LRMDA: variants seen among roughly 807,000 people sequenced by gnomAD.
LRMDA encodes the protein leucine-rich melanocyte differentiation-associated protein.
Under a neutral mutation model 29.8 loss-of-function variants are expected in LRMDA, and 18 were observed. The observed-to-expected ratio is 0.60, with a 90% CI of 0.42 to 0.90. The LOEUF (loss-of-function observed/expected upper bound fraction) is 0.90. LRMDA is among the 40% of genes least tolerant of loss of function. The pLI is 0.00. For synonymous variants in LRMDA, 125 were observed against 109.4 expected (o/e 1.14, Z -0.89); for missense variants, 273 against 273.9 (o/e 1.00, Z 0.02).
At chr10:76,083,998 C>T (rs1172273521) in intron 5 of LRMDA, among the ~76,000 whole-genome samples, 2 of 152,072 alleles carry the variant, frequency 1.3e-5, no homozygotes, top group African/African-American at 2.4e-5. Flanking sequence ...GGTACTTGAG[C>T]CTTTCTTTCT....
chr10:76,033,744 G>A (rs1848191382), intron 2 of LRMDA, among the ~76,000 whole-genome samples: 1 of 152,172 alleles, frequency 6.6e-6, no homozygotes, highest in African/African-American at 2.4e-5. Flanking sequence ...CTAAGGGGAA[G>A]TGGCCTCACC....
chr10:75,673,990 A>T (rs1841931097), intron 2 of LRMDA, among the ~76,000 whole-genome samples: 1 of 152,238 alleles, frequency 6.6e-6, no homozygotes, highest in Admixed American at 6.5e-5. Flanking sequence ...CTTGAAGATG[A>T]TGAAAAGTCT....
chr10:75,458,716 A>G (rs535514850), intron 2 of LRMDA, among the ~76,000 whole-genome samples: 112 of 152,126 alleles, frequency 7.4e-4, no homozygotes, highest in East Asian at 4.2e-3. Flanking sequence ...CCCTTCCCCA[A>G]TTTGCTCTTC....
chr10:75,960,976 A>G (rs2132428930), intron 2 of LRMDA, among the ~76,000 whole-genome samples: 1 of 152,258 alleles, frequency 6.6e-6, no homozygotes, highest in East Asian at 1.9e-4. Flanking sequence ...CCATCTTTCT[A>G]TCCTAGGGAC....
intron 6 of LRMDA, among the ~76,000 whole-genome samples, chr10:76,339,523 A>G (rs1841011319): frequency 6.6e-6 from 1 of 152,006 alleles, no homozygotes; most frequent in Non-Finnish European, 1.5e-5. Flanking sequence ...GTTTTCATAT[A>G]TCCTAATTAA....
intron 5 of LRMDA, among the ~76,000 whole-genome samples, chr10:76,095,574 T>C (rs1849299840): frequency 6.6e-6 from 1 of 152,262 alleles, no homozygotes. Context: ...CAGACTGTTT[T>C]TCAAAGTGGC....
chr10:75,432,618 A>G (rs1844213353), intron 1 of LRMDA, among the ~76,000 whole-genome samples: 1 of 152,206 alleles, frequency 6.6e-6, no homozygotes, highest in Non-Finnish European at 1.5e-5. Flanking sequence ...ACCCTGGAGA[A>G]ATAGTTCTGA....
intron 2 of LRMDA, among the ~76,000 whole-genome samples, chr10:75,724,664 T>A (rs1032120800): frequency 2.0e-5 from 3 of 152,170 alleles, no homozygotes; most frequent in Non-Finnish European, 4.4e-5. Flanking sequence ...AATGGAAAAT[T>A]GTAATACGCT....
At chr10:75,688,528 A>G in intron 2 of LRMDA, among the ~76,000 whole-genome samples, 1 of 152,374 alleles carries the variant, frequency 6.6e-6, no homozygotes, top group African/African-American at 2.4e-5. Context: ...CAGTAAAGAA[A>G]GTAGTTTCTT....
intron 2 of LRMDA, among the ~76,000 whole-genome samples, chr10:75,446,176 G>T (rs548980461): frequency 1.3e-5 from 2 of 152,360 alleles, no homozygotes; most frequent in South Asian, 4.1e-4. Flanking sequence ...CTGTTGGGAA[G>T]ATGGGCAGTG....
chr10:75,969,309 C>T (rs541203391), intron 2 of LRMDA, among the ~76,000 whole-genome samples: 3 of 152,194 alleles, frequency 2.0e-5, no homozygotes, highest in Non-Finnish European at 4.4e-5. Flanking sequence ...CTTATGTTGT[C>T]GGTCCAGTAA....
intron 2 of LRMDA, among the ~76,000 whole-genome samples, chr10:75,967,980 G>T (rs750008523): frequency 4.6e-5 from 7 of 152,162 alleles, no homozygotes; most frequent in Non-Finnish European, 7.3e-5. Context: ...TAACTCTGTG[G>T]GTATTCCTTA....
At chr10:75,545,939 G>A (rs1340429464) in intron 2 of LRMDA, among the ~76,000 whole-genome samples, 1 of 152,132 alleles carries the variant, frequency 6.6e-6, no homozygotes. Context: ...AGTTTATAAC[G>A]ACCATGAAAC....
At chr10:76,109,395 C>G (rs1221609418) in intron 5 of LRMDA, among the ~76,000 whole-genome samples, 1 of 152,228 alleles carries the variant, frequency 6.6e-6, no homozygotes, top group East Asian at 1.9e-4. Flanking sequence ...AGGCTAGCTA[C>G]TCCACCCATG....
chr10:75,556,662 T>G (rs1840216967), intron 2 of LRMDA, among the ~76,000 whole-genome samples: 1 of 151,906 alleles, frequency 6.6e-6, no homozygotes, highest in Admixed American at 6.6e-5. Context: ...TCTGACATTG[T>G]ATTTTGGAGT....
chr10:76,153,829 G>A (rs1178987781), intron 5 of LRMDA, among the ~76,000 whole-genome samples: 1 of 152,170 alleles, frequency 6.6e-6, no homozygotes, highest in Non-Finnish European at 1.5e-5. Flanking sequence ...ACAAGATAAA[G>A]AGAAGGTACC....
At chr10:75,438,298 A>G in intron 1 of LRMDA, 96 bp from the exon 2 acceptor site, 1 of 959,964 alleles carries the variant, frequency 1.0e-6, no homozygotes, top group Non-Finnish European at 1.6e-6. Context: ...ATGTGTTTCA[A>G]GTTGCAGAAG....
chr10:76,150,744 G>A (rs11001638), intron 5 of LRMDA, among the ~76,000 whole-genome samples: 24,815 of 152,030 alleles, frequency 0.16, 2,266 homozygotes, highest in Admixed American at 0.24. Flanking sequence ...TATTTATACC[G>A]GTGGCAAGGA....
At chr10:76,249,959 C>T (rs895445629) in intron 5 of LRMDA, among the ~76,000 whole-genome samples, 9 of 152,126 alleles carry the variant, frequency 5.9e-5, no homozygotes, top group East Asian at 3.9e-4. Flanking sequence ...TGTGCCACCA[C>T]GCCTGGCTAA....
Sources: gnomAD v4.1 joint callset for allele counts (sites outside exome capture counted in the v4.1 genomes callset) on GRCh38, gnomAD v4.1.1 for gene constraint, MANE v1.5 for transcripts, NCBI Gene and HGNC (gene_info 2026-07-23, HGNC 2026-07-21) for gene names.